Variants in SPECC1 observed in about 807,000 individuals in gnomAD.
SPECC1 encodes the protein sperm antigen with calponin homology and coiled-coil domains 1.
A neutral mutation model predicts 104.1 loss-of-function variants in SPECC1; 62 were observed. The observed-to-expected ratio is 0.60, with a 90% CI of 0.49 to 0.74. The LOEUF (loss-of-function observed/expected upper bound fraction) is 0.74. SPECC1 is among the 30% of genes least tolerant of loss of function. SPECC1 has a pLI of 0.00. For missense variants in SPECC1, 1,306 were observed against 1,310.5 expected (o/e 1.00, Z 0.05); for synonymous variants, 513 against 501.6 (o/e 1.02, Z -0.30).
At chr17:20,277,607 T>A (rs2040615200) in intron 12 of SPECC1, among the ~76,000 whole-genome samples, 1 of 152,210 alleles carries the variant, frequency 6.6e-6, no homozygotes, top group Admixed American at 6.5e-5. Context: ...TTTTAACTAT[T>A]TTAAGTGTAC....
At chr17:20,129,342 C>A (rs539262016) in intron 3 of SPECC1, among the ~76,000 whole-genome samples, 6 of 151,976 alleles carry the variant, frequency 3.9e-5, no homozygotes, top group African/African-American at 1.5e-4. Context: ...CCTGCCACCA[C>A]GCCCAGCTAA....
At chr17:20,185,797 A>G (rs2035232086) in intron 3 of SPECC1, among the ~76,000 whole-genome samples, 1 of 152,184 alleles carries the variant, frequency 6.6e-6, no homozygotes, top group African/African-American at 2.4e-5. Flanking sequence ...TCTAGTGATA[A>G]TCACAGGAGT....
chr17:20,248,919 T>A (rs189966626), intron 9 of SPECC1, among the ~76,000 whole-genome samples: 71 of 152,302 alleles, frequency 4.7e-4, no homozygotes, highest in Admixed American at 4.3e-3. Flanking sequence ...ATGATTAAAA[T>A]ATTCTCCCTA....
chr17:20,198,492 G>T (rs2036188137), intron 3 of SPECC1, among the ~76,000 whole-genome samples: 1 of 152,206 alleles, frequency 6.6e-6, no homozygotes, highest in Non-Finnish European at 1.5e-5. Flanking sequence ...GGAAGAAAAA[G>T]TTCCCCATGT....
At chr17:20,249,530 G>A (rs1486155301) in intron 9 of SPECC1, among the ~76,000 whole-genome samples, 1 of 152,138 alleles carries the variant, frequency 6.6e-6, no homozygotes, top group East Asian at 1.9e-4. Flanking sequence ...TTCAGATATT[G>A]ATATTATTAG....
intron 1 of SPECC1, among the ~76,000 whole-genome samples, chr17:20,090,343 T>C (rs768993214): frequency 2.0e-5 from 3 of 152,172 alleles, no homozygotes; most frequent in African/African-American, 4.8e-5. Context: ...TGCTGCACTT[T>C]CCGTTTTGCT....
At chr17:20,297,678 C>A (rs1168361588) in intron 13 of SPECC1, among the ~76,000 whole-genome samples, 1 of 152,174 alleles carries the variant, frequency 6.6e-6, no homozygotes, top group Non-Finnish European at 1.5e-5. Context: ...ATGTGCATGG[C>A]TGTGTCCCAA....
intron 1 of SPECC1, among the ~76,000 whole-genome samples, chr17:20,052,214 A>AAT (rs1488597209): frequency 1.3e-5 from 2 of 152,224 alleles, no homozygotes; most frequent in Non-Finnish European, 2.9e-5. Context: ...AGCACCCTTA[A>AAT]ATAGCCATTT....
At chr17:20,239,241 A>T in intron 7 of SPECC1, 1 of 1,014,968 alleles carries the variant, frequency 9.9e-7, no homozygotes, top group East Asian at 6.7e-5. Context: ...TTTCTTAATT[A>T]TGAAGTATTA....
chr17:20,211,501 C>A (rs2037147496), intron 4 of SPECC1, among the ~76,000 whole-genome samples: 2 of 152,248 alleles, frequency 1.3e-5, no homozygotes, highest in South Asian at 2.1e-4. Context: ...CAGGCCTCAG[C>A]CTGGCTGTGC....
chr17:20,194,502 A>ATTATTATTATTTTTTTTTTTTTTTTTTT, intron 3 of SPECC1, among the ~76,000 whole-genome samples: 4 of 86,566 alleles, frequency 4.6e-5, no homozygotes, highest in East Asian at 3.9e-4. Context: ...AAGAGAACGA[A>ATTATTATTATTTTTTTTTTTTTTTTTTT]TTTTTTTTTT....
rs374364026 is a variant in SPECC1, at chr17:20,047,693, G to A, written c.-22+38269G>A. ...GCTCACTGCAAGCTCCGTCTCCCAG[G>A]TTCATGCCATTCTCCTGCCTCAGTC... On this transcript the variant is annotated intron_variant, in intron 1 of 14. Coordinates refer to ENST00000395527, the MANE Select transcript of SPECC1 (RefSeq NM_001243439.2). Among the ~76,000 whole-genome samples, 82 of 151,902 alleles carry A rather than the reference G, an allele frequency of 5.4e-4. 1 individual carries two copies. Among genetic ancestry groups the A allele is most frequent in the African/African-American group, 1.9e-3 (78 of 41,416 alleles).
chr17:20,013,584 C>T (rs2044014086), intron 1 of SPECC1, among the ~76,000 whole-genome samples: 1 of 152,228 alleles, frequency 6.6e-6, no homozygotes, highest in Non-Finnish European at 1.5e-5. Context: ...TCACTGCGAC[C>T]TCCGGCTTTC....
chr17:20,042,495 G>T (rs928929435), intron 1 of SPECC1, among the ~76,000 whole-genome samples: 1 of 152,200 alleles, frequency 6.6e-6, no homozygotes, highest in African/African-American at 2.4e-5. Flanking sequence ...AGGTTCCCCT[G>T]ACACTGCTGG....
intron 14 of SPECC1, among the ~76,000 whole-genome samples, chr17:20,307,930 A>G (rs1048907074): frequency 6.6e-6 from 1 of 152,238 alleles, no homozygotes; most frequent in African/African-American, 2.4e-5. Context: ...CAGATAATCT[A>G]TTAAAAATTT....
chr17:20,152,734 C>T (rs1026563721), intron 3 of SPECC1, among the ~76,000 whole-genome samples: 30 of 152,052 alleles, frequency 2.0e-4, no homozygotes, highest in African/African-American at 7.2e-4. Context: ...TACAATGGTG[C>T]GATCTCGGCT....
At chr17:20,238,647 G>C (rs919096062) in intron 7 of SPECC1, 243 of 1,040,176 alleles carry the variant, frequency 2.3e-4, no homozygotes, top group Non-Finnish European at 2.7e-4. Context: ...AATTTACTTA[G>C]ATACTTGTGA....
At chr17:20,150,488 A>G (rs2031906018) in intron 3 of SPECC1, among the ~76,000 whole-genome samples, 1 of 151,674 alleles carries the variant, frequency 6.6e-6, no homozygotes, top group South Asian at 2.1e-4. Context: ...AAAAATACTA[A>G]ATTAGCCAGG....
intron 1 of SPECC1, among the ~76,000 whole-genome samples, chr17:20,020,229 A>G (rs1483156521): frequency 6.6e-6 from 1 of 152,180 alleles, no homozygotes; most frequent in Admixed American, 6.5e-5. Context: ...AGGCTTTTCA[A>G]TTTCATTCAA....
Sources: gnomAD v4.1 joint callset for allele counts (sites outside exome capture counted in the v4.1 genomes callset) on GRCh38, gnomAD v4.1.1 for gene constraint, MANE v1.5 for transcripts, NCBI Gene and HGNC (gene_info 2026-07-23, HGNC 2026-07-21) for gene names.